PRICKLE2: variants seen among roughly 807,000 people sequenced by gnomAD.
PRICKLE2 encodes the protein prickle-like protein 2.
PRICKLE2 carries 21 observed loss-of-function variants against 81.4 expected under a neutral mutation model. That is an observed-to-expected ratio of 0.26 (90% confidence interval 0.18 to 0.37). The LOEUF (loss-of-function observed/expected upper bound fraction) is 0.37, where lower values mean the gene tolerates loss of function less well. PRICKLE2 is among the 10% of genes least tolerant of loss of function. PRICKLE2 has a pLI of 1.00. For missense variants in PRICKLE2, 940 were observed against 1,109.0 expected (o/e 0.85, Z 2.16); for synonymous variants, 456 against 421.5 (o/e 1.08, Z -1.00).
intron 7 of PRICKLE2, among the ~76,000 whole-genome samples, chr3:64,134,027 T>C (rs918772530): frequency 6.6e-6 from 1 of 152,172 alleles, no homozygotes; most frequent in Non-Finnish European, 1.5e-5. Context: ...GGGTACCAAA[T>C]AATACAAGTA....
At chr3:64,230,138 T>G (rs1005584623), upstream of PRICKLE2, among the ~76,000 whole-genome samples, 1 of 152,174 alleles carries the variant, frequency 6.6e-6, no homozygotes, top group Non-Finnish European at 1.5e-5. Context: ...TCACTTCTAG[T>G]GGTCAAACTA....
At chr3:64,112,469 T>C (rs1157674658) in intron 7 of PRICKLE2, among the ~76,000 whole-genome samples, 1 of 152,046 alleles carries the variant, frequency 6.6e-6, no homozygotes, top group Non-Finnish European at 1.5e-5. Context: ...GGCTGACAGA[T>C]GGATAAATGG....
At chr3:64,143,465 C>T (rs769965142) in intron 7 of PRICKLE2, among the ~76,000 whole-genome samples, 1 of 152,048 alleles carries the variant, frequency 6.6e-6, no homozygotes, top group Admixed American at 6.6e-5. Flanking sequence ...GAATGGAAAC[C>T]GCGTCCACTC....
At chr3:64,160,955 AAAACAAAC>A (rs147617025) in intron 3 of PRICKLE2, among the ~76,000 whole-genome samples, 82,614 of 151,006 alleles carry the variant, frequency 0.55, 23,421 homozygotes, top group East Asian at 0.76. Flanking sequence ...AACAAAAACA[AAAACAAAC>A]AAACAAACAA....
intron 2 of PRICKLE2, among the ~76,000 whole-genome samples, chr3:64,171,041 T>C (rs1362644453): frequency 6.6e-6 from 1 of 152,176 alleles, no homozygotes; most frequent in Non-Finnish European, 1.5e-5. Flanking sequence ...ACCATATTCC[T>C]TTTGTTCAGG....
intron 2 of PRICKLE2, chr3:64,163,540 T>C: frequency 3.8e-6 from 1 of 265,780 alleles, no homozygotes; most frequent in South Asian, 4.6e-5. Flanking sequence ...GCCTCGGCAA[T>C]GGAGTTAAAG....
At chr3:64,181,219 C>T (rs1210183577) in intron 2 of PRICKLE2, among the ~76,000 whole-genome samples, 9 of 152,114 alleles carry the variant, frequency 5.9e-5, no homozygotes, top group East Asian at 1.9e-4. Flanking sequence ...TCCTGGCTCA[C>T]GACAGAGTCT....
At chr3:64,150,805 G>A (rs1217345174) in intron 6 of PRICKLE2, among the ~76,000 whole-genome samples, 2 of 152,174 alleles carry the variant, frequency 1.3e-5, no homozygotes, top group East Asian at 3.9e-4. Context: ...CCTCATGGAA[G>A]GAAGGGCTCA....
chr3:64,119,222 G>C (rs1414902693), intron 7 of PRICKLE2, among the ~76,000 whole-genome samples: 1 of 152,180 alleles, frequency 6.6e-6, no homozygotes, highest in Non-Finnish European at 1.5e-5. Flanking sequence ...ATCTATTGGA[G>C]GGTGGAGGGT....
At chr3:64,138,389 C>A (rs922387416) in intron 7 of PRICKLE2, among the ~76,000 whole-genome samples, 2 of 152,184 alleles carry the variant, frequency 1.3e-5, no homozygotes, top group Admixed American at 6.5e-5. Flanking sequence ...AATTCTGGTA[C>A]TTTTGGTGAC....
At chr3:64,120,734 A>G (rs1295411646) in intron 7 of PRICKLE2, among the ~76,000 whole-genome samples, 1 of 152,292 alleles carries the variant, frequency 6.6e-6, no homozygotes, top group Non-Finnish European at 1.5e-5. Flanking sequence ...TTCTCATAAC[A>G]TATCCAGGAA....
At chr3:64,128,723 G>C (rs1326119041) in intron 7 of PRICKLE2, among the ~76,000 whole-genome samples, 1 of 134,896 alleles carries the variant, frequency 7.4e-6, no homozygotes, top group Non-Finnish European at 1.5e-5. Flanking sequence ...TCCAGCCTGG[G>C]CAACAGTGTA....
chr3:64,146,525 C>T (rs1158282697), intron 7 of PRICKLE2: 3 of 331,128 alleles, frequency 9.1e-6, no homozygotes, highest in Non-Finnish European at 1.8e-5. Context: ...AGGTGGATCA[C>T]GAGGTCAGGA....
chr3:64,256,088 A>AT (rs2079520451), intron 2 of PRICKLE2, among the ~76,000 whole-genome samples: 1 of 152,284 alleles, frequency 6.6e-6, no homozygotes, highest in Middle Eastern at 3.4e-3. Context: ...GGCTTGACTC[A>AT]TTCATGCCAC....
chr3:64,162,906 A>C lies in PRICKLE2; in HGVS notation c.258+110T>G, dbSNP rs185863764. 5 of 814,236 alleles carry C rather than the reference A, an allele frequency of 6.1e-6. No homozygotes were observed. In the East Asian group the frequency reaches 9.7e-5, roughly 16 times the overall value. 50.4% of individuals were successfully genotyped at this position (814,236 alleles called of 1,614,324 possible). A position where few individuals can be genotyped will look rare whatever the true frequency, so the allele number is the denominator to read the frequency against. The stretch of plus-strand genomic sequence containing the variant: ...ATTAAGGAAGCTAAAACCTAAAATA[A>C]ATTGCCAGAGTTCTTCTTCGGCTAC... On this transcript the variant is annotated intron_variant, in intron 3 of 7. Transcript: ENST00000638394.
chr3:64,165,896 G>A (rs934822547), intron 2 of PRICKLE2, among the ~76,000 whole-genome samples: 5 of 151,574 alleles, frequency 3.3e-5, no homozygotes, highest in Admixed American at 1.3e-4. Context: ...AGAAAAATAC[G>A]TTGCAAGGAA....
At chr3:64,250,217 C>T (rs1175495763) in intron 2 of PRICKLE2, among the ~76,000 whole-genome samples, 1 of 152,198 alleles carries the variant, frequency 6.6e-6, no homozygotes, top group Non-Finnish European at 1.5e-5. Context: ...GGTTTCTCAA[C>T]CTCAACACTG....
chr3:64,112,928 A>C (rs1302944112), intron 7 of PRICKLE2, among the ~76,000 whole-genome samples: 2 of 151,932 alleles, frequency 1.3e-5, no homozygotes, highest in African/African-American at 4.8e-5. Flanking sequence ...CTTTTAACAG[A>C]TCTTCAGAAG....
chr3:64,179,621 C>A (rs1029069255), intron 2 of PRICKLE2, among the ~76,000 whole-genome samples: 10 of 152,118 alleles, frequency 6.6e-5, no homozygotes, highest in African/African-American at 2.4e-4. Flanking sequence ...AATTTTTTAT[C>A]CCTCAGTGTA....
Sources: gnomAD v4.1 joint callset for allele counts (sites outside exome capture counted in the v4.1 genomes callset) on GRCh38, gnomAD v4.1.1 for gene constraint, MANE v1.5 for transcripts, NCBI Gene and HGNC (gene_info 2026-07-23, HGNC 2026-07-21) for gene names.